Variants in USP30 observed in about 807,000 individuals in gnomAD.
USP30 encodes ubiquitin specific peptidase 30, also known as ubiquitin carboxyl-terminal hydrolase 30.
In USP30, 41 loss-of-function variants were observed where a neutral mutation model predicts 68.2. The observed-to-expected ratio is 0.60, with a 90% CI of 0.47 to 0.78. The LOEUF is 0.78. USP30 is among the 30% of genes least tolerant of loss of function. The pLI is 0.00. For synonymous variants in USP30, 229 were observed against 253.7 expected (o/e 0.90, Z 0.93); for missense variants, 522 against 649.4 (o/e 0.80, Z 2.13).
upstream of USP30, among the ~76,000 whole-genome samples, chr12:109,051,381 C>G (rs1473103920): frequency 6.7e-6 from 1 of 149,818 alleles, no homozygotes; most frequent in Non-Finnish European, 1.5e-5. Context: ...CTCAGCCTCC[C>G]GAGTAGCTGG....
chr12:109,023,378 C>T (rs2040420749), intron 1 of USP30, among the ~76,000 whole-genome samples: 1 of 152,028 alleles, frequency 6.6e-6, no homozygotes, highest in African/African-American at 2.4e-5. Context: ...CATGGCAAAA[C>T]CTCGTCTCCA....
rs2135811975 is a variant in USP30, at chr12:109,079,451, C to A, written c.721-1883C>A. Reference sequence around the variant, plus strand: ...TGATCATAGCTCACTGCAGCCTCAACCTCCCAGGCTCAAGTTATCCTCCCA... The same window carrying A: ...TGATCATAGCTCACTGCAGCCTCAAACTCCCAGGCTCAAGTTATCCTCCCA... On this transcript the variant is annotated intron_variant, in intron 7 of 12. Coordinates refer to ENST00000257548, the MANE Select transcript of USP30 (RefSeq NM_032663.5). Among the ~76,000 whole-genome samples, 2 of 138,176 alleles carry A rather than the reference C, an allele frequency of 1.4e-5. 1 individual carries two copies. The highest frequency in any genetic ancestry group is 4.7e-4 in the East Asian group (2 of 4,300). 90.6% of individuals were successfully genotyped at this position (138,176 alleles called of 152,430 possible).
In USP30 at chr12:109,086,747, G is replaced by A. The variant is rs1183988942; in HGVS notation, c.*816G>A. ...CTGTGGAAAACTTTTTCTTACACAAGGATCCACTGTGGACGGTTACTTTCA... is the reference window on the plus strand; with the variant it reads ...CTGTGGAAAACTTTTTCTTACACAAAGATCCACTGTGGACGGTTACTTTCA... On this transcript the variant is annotated 3_prime_UTR_variant, in exon 13 of 13. Transcript: ENST00000257548. 6.6e-6 allele frequency: 1 copy of A among 152,220 alleles called. No homozygotes were observed. Among genetic ancestry groups the A allele is most frequent in the Non-Finnish European group, 1.5e-5 (1 of 68,050 alleles). 9.4% of individuals were successfully genotyped at this position (152,220 alleles called of 1,614,324 possible). A position where few individuals can be genotyped will look rare whatever the true frequency, so the allele number is the denominator to read the frequency against.
chr12:109,038,808 T>C (rs2040541070), intron 3 of USP30, among the ~76,000 whole-genome samples: 1 of 152,176 alleles, frequency 6.6e-6, no homozygotes, highest in African/African-American at 2.4e-5. Context: ...GCCATTCTAA[T>C]GGGTGTGTGG....
intron 7 of USP30, among the ~76,000 whole-genome samples, chr12:109,075,752 T>C (rs1369313702): frequency 6.6e-6 from 1 of 152,196 alleles, no homozygotes; most frequent in Non-Finnish European, 1.5e-5. Flanking sequence ...TTGAGTGCCT[T>C]TTCATATACC....
chr12:109,085,863 C>G lies in USP30; in HGVS notation c.1486C>G (p.Leu496Val). Residue 496 changes from leucine to valine, a missense_variant, in exon 13 of 13, where the codon CTG (leucine) becomes GTG (valine). Transcript: ENST00000257548. ...LQEVLSSSAY[L>V]LFYERVLSRM... ...GGAGGTCCTGTCCTCCAGCGCCTACCTGCTGTTCTACGAGCGCGTCCTTTC... is the reference window on the plus strand; with the variant it reads ...GGAGGTCCTGTCCTCCAGCGCCTACGTGCTGTTCTACGAGCGCGTCCTTTC... 1 of 1,614,258 alleles carries G rather than the reference C, an allele frequency of 6.2e-7. No individual in the cohort carries two copies. The highest frequency in any genetic ancestry group is 8.5e-7 in the Non-Finnish European group (1 of 1,180,044).
intron 11 of USP30, among the ~76,000 whole-genome samples, chr12:109,083,314 ATTGCAGCTTTGCCT>A (rs1398639786): frequency 2.0e-5 from 3 of 152,218 alleles, no homozygotes; most frequent in African/African-American, 7.2e-5. Context: ...AACGCTTAAA[ATTGCAGCTTTGCCT>A]TCTAATTTTT....
intron 3 of USP30, among the ~76,000 whole-genome samples, chr12:109,031,644 C>T (rs1253376469): frequency 2.0e-5 from 3 of 152,206 alleles, no homozygotes; most frequent in African/African-American, 7.2e-5. Flanking sequence ...GTGGTCTATC[C>T]ATGCAATGGA....
chr12:109,046,055 C>T (rs529653590), intron 3 of USP30, among the ~76,000 whole-genome samples: 5 of 147,004 alleles, frequency 3.4e-5, no homozygotes, highest in African/African-American at 7.4e-5. Flanking sequence ...AAGCAGAATT[C>T]CCTCTTATTC....
upstream of USP30, among the ~76,000 whole-genome samples, chr12:109,050,218 C>T (rs1186107533): frequency 2.0e-5 from 3 of 152,050 alleles, no homozygotes; most frequent in African/African-American, 4.8e-5. Context: ...CACTTGAACC[C>T]GGGAGGCGGA....
Position 109,073,987 on chromosome 12 carries a change from A to G in USP30, c.720+455A>G, listed in dbSNP as rs2041521221. Reference sequence around the variant, plus strand: ...GATCAGTCAACTTTATAACATTTTCATTGCCCCCTAAAGAAACTCCATACT... The same window carrying G: ...GATCAGTCAACTTTATAACATTTTCGTTGCCCCCTAAAGAAACTCCATACT... On this transcript the variant is annotated intron_variant, in intron 7 of 12. Transcript: ENST00000257548. Among the ~76,000 whole-genome samples the G allele has an allele frequency of 2.0e-5, 3 of 152,026 alleles. No homozygotes were observed. In the South Asian group the frequency reaches 6.2e-4, roughly 32 times the overall value.
intron 3 of USP30, among the ~76,000 whole-genome samples, chr12:109,042,448 G>A (rs2040571665): frequency 6.6e-6 from 1 of 152,020 alleles, no homozygotes; most frequent in South Asian, 2.1e-4. Flanking sequence ...ACAAATGATA[G>A]CATTTTGCCC....
chr12:109,046,135 T>C (rs1243506294), intron 3 of USP30, among the ~76,000 whole-genome samples: 1 of 133,538 alleles, frequency 7.5e-6, no homozygotes, highest in African/African-American at 2.7e-5. Flanking sequence ...GGAGTCTCAC[T>C]CTGTTGCTAG....
At chr12:109,033,252 T>C (rs956376983) in intron 3 of USP30, among the ~76,000 whole-genome samples, 1 of 152,230 alleles carries the variant, frequency 6.6e-6, no homozygotes, top group Non-Finnish European at 1.5e-5. Context: ...GGCATACCCA[T>C]AGACCGGGTA....
chr12:109,035,733 C>T (rs1484568851), intron 3 of USP30, among the ~76,000 whole-genome samples: 2 of 152,164 alleles, frequency 1.3e-5, no homozygotes, highest in Non-Finnish European at 2.9e-5. Flanking sequence ...AAAACATTGC[C>T]ATATGTATCT....
In USP30 at chr12:109,073,887, AAG is replaced by A. The variant is rs565423536; in HGVS notation, c.720+361_720+362del. ...TGGAAAATTTCCAACATCATACAAAAAGAGAGAATTGTACAACTGTCACCCCA... is the reference window on the plus strand; with the variant it reads ...TGGAAAATTTCCAACATCATACAAAAAGAGAATTGTACAACTGTCACCCCA... On this transcript the variant is annotated intron_variant, in intron 7 of 12. Coordinates refer to ENST00000257548, the MANE Select transcript of USP30 (RefSeq NM_032663.5). Among the ~76,000 whole-genome samples the A allele has an allele frequency of 1.9e-3, 297 of 152,318 alleles. 4 individuals carry two copies. Among genetic ancestry groups the A allele is most frequent in the African/African-American group, 6.7e-3 (280 of 41,554 alleles).
intron 3 of USP30, among the ~76,000 whole-genome samples, chr12:109,037,682 A>T (rs1161738671): frequency 2.0e-5 from 3 of 152,204 alleles, no homozygotes; most frequent in African/African-American, 7.2e-5. Flanking sequence ...CAGATAGCTT[A>T]GTGGTCAGCT....
chr12:109,040,777 C>A (rs566499725), intron 3 of USP30, among the ~76,000 whole-genome samples: 1 of 152,284 alleles, frequency 6.6e-6, no homozygotes, highest in African/African-American at 2.4e-5. Flanking sequence ...TTTCCCAGAG[C>A]AAGTGTTTCA....
chr12:109,049,730 G>T (rs1309000032), upstream of USP30, among the ~76,000 whole-genome samples: 1 of 152,028 alleles, frequency 6.6e-6, no homozygotes, highest in Non-Finnish European at 1.5e-5. Flanking sequence ...CACGAAAATC[G>T]CTTGAACCCC....
Sources: allele counts gnomAD v4.1 joint callset (sites outside exome capture counted in the v4.1 genomes callset), GRCh38; gene constraint gnomAD v4.1.1; transcripts MANE v1.5; gene names NCBI Gene and HGNC (gene_info 2026-07-23, HGNC 2026-07-21).